The following ARID1B variants were observed in gnomAD, a reference collection of about 807,000 sequenced individuals.
ARID1B encodes AT-rich interactive domain-containing protein 1B.
A neutral mutation model predicts 212.3 loss-of-function variants in ARID1B; 30 were observed. The observed-to-expected ratio is 0.14, with a 90% confidence interval of 0.11 to 0.19. ARID1B has a LOEUF of 0.19. ARID1B is among the 10% of genes least tolerant of loss of function. The pLI is 1.00. For synonymous variants in ARID1B, 1,402 were observed against 1,301.7 expected (o/e 1.08, Z -1.66); for missense variants, 2,891 against 3,204.0 (o/e 0.90, Z 2.36).
intron 3 of ARID1B, among the ~76,000 whole-genome samples, chr6:156,920,435 T>C (rs893340936): frequency 1.4e-4 from 21 of 152,246 alleles, no homozygotes; most frequent in African/African-American, 4.8e-4. Context: ...GTCTTTAACA[T>C]GCTCATTTCA....
At chr6:157,080,585 C>G (rs750098838) in intron 4 of ARID1B, among the ~76,000 whole-genome samples, 3 of 152,172 alleles carry the variant, frequency 2.0e-5, no homozygotes, top group Non-Finnish European at 2.9e-5. Context: ...CTGACGCTGC[C>G]CTCCCTGAGC....
intron 11 of ARID1B, among the ~76,000 whole-genome samples, chr6:157,177,046 A>G (rs939363349): frequency 6.6e-6 from 1 of 152,220 alleles, no homozygotes. Context: ...TTCTCCTTTA[A>G]TGTAAGACAA....
chr6:156,798,809 A>G (rs969089888), intron 1 of ARID1B, among the ~76,000 whole-genome samples: 2 of 152,172 alleles, frequency 1.3e-5, no homozygotes, highest in Non-Finnish European at 2.9e-5. Context: ...TGTGGCGAAA[A>G]TCTTGGGTTA....
At chr6:156,972,344 G>A (rs1776985154) in intron 4 of ARID1B, among the ~76,000 whole-genome samples, 1 of 152,148 alleles carries the variant, frequency 6.6e-6, no homozygotes. Flanking sequence ...AAGGCCCAGG[G>A]GTGTCCAGTG....
chr6:156,906,275 A>T (rs1789366405), intron 3 of ARID1B, among the ~76,000 whole-genome samples: 1 of 152,036 alleles, frequency 6.6e-6, no homozygotes, highest in African/African-American at 2.4e-5. Flanking sequence ...AAGAAGCACC[A>T]GCCACCTCAT....
chr6:157,198,707 A>G, intron 16 of ARID1B, 104 bp from the exon 17 acceptor site: 4 of 970,024 alleles, frequency 4.1e-6, no homozygotes, highest in Admixed American at 2.3e-5. Flanking sequence ...TAAAAGCCAC[A>G]CAGAGCTGCT....
intron 1 of ARID1B, among the ~76,000 whole-genome samples, chr6:156,805,704 TA>T (rs1455385798): frequency 6.6e-6 from 1 of 152,214 alleles, no homozygotes; most frequent in Non-Finnish European, 1.5e-5. Flanking sequence ...TATTTAATTT[TA>T]TTTTTTTTTA....
intron 1 of ARID1B, among the ~76,000 whole-genome samples, chr6:156,798,015 T>G (rs746374926): frequency 6.6e-6 from 1 of 152,192 alleles, no homozygotes; most frequent in Non-Finnish European, 1.5e-5. Flanking sequence ...TTGTGGTCAT[T>G]TCGTCACTGG....
intron 1 of ARID1B, among the ~76,000 whole-genome samples, chr6:156,823,246 G>A (rs1426344229): frequency 6.6e-6 from 1 of 152,122 alleles, no homozygotes; most frequent in Non-Finnish European, 1.5e-5. Context: ...GTGGGCCCTG[G>A]GCTCCAGGTG....
Position 157,174,849 on chromosome 6 carries a change from T to C in ARID1B, c.3348T>C (p.Asp1116=). The C allele has an allele frequency of 2.0e-6, 3 of 1,532,492 alleles. No homozygotes were observed. The highest frequency in any genetic ancestry group is 2.6e-6 in the Non-Finnish European group (3 of 1,138,882). The allele number at this position is 1,532,492 out of a possible 1,614,324, so 94.9% of individuals were successfully genotyped here. A position where few individuals can be genotyped will look rare whatever the true frequency, so the allele number is the denominator to read the frequency against. The change falls in exon 11 of 20, where the codon GAT becomes GAC. Residue 1116 remains aspartate, a splice_region_variant and synonymous_variant. Coordinates refer to ENST00000636930, the MANE Select transcript of ARID1B (RefSeq NM_001374828.1). ...TTTTTTTTATTCCTCTACCACAGGA[T>C]AGCTACAGCTCTCAGGGTATTTCTC... The part of the protein sequence containing the change: ...GTPQPESKSK[D]SYSSQGISQP...
Position 156,851,897 on chromosome 6 carries a change from G to A in ARID1B, c.1986+22476G>A, listed in dbSNP as rs1784603069. Among the ~76,000 whole-genome samples, 3 of 152,138 alleles carry A rather than the reference G, an allele frequency of 2.0e-5. No individual in the cohort carries two copies. The South Asian group carries it at 6.2e-4, about 32-fold the overall frequency. On this transcript the variant is annotated intron_variant, in intron 2 of 19. Coordinates refer to ENST00000636930, the MANE Select transcript of ARID1B (RefSeq NM_001374828.1). The stretch of plus-strand genomic sequence containing the variant: ...AGTAAATTGATCCCTGTGGACTGTG[G>A]CTTGAATCAGCCTCTCATTCTTTAA...
chr6:156,902,735 CAAAAAAAAAAAAAA>C (rs869259426), intron 3 of ARID1B, among the ~76,000 whole-genome samples: 10 of 61,682 alleles, frequency 1.6e-4, no homozygotes, highest in South Asian at 6.0e-4. Flanking sequence ...GACTCTGTCT[CAAAAAAAAAAAAAA>C]AAAAAAAAAA....
chr6:157,001,758 C>G (rs542582423), intron 4 of ARID1B, among the ~76,000 whole-genome samples: 1 of 152,316 alleles, frequency 6.6e-6, no homozygotes, highest in South Asian at 2.1e-4. Flanking sequence ...TGCCCTTGGC[C>G]GATTGACTCA....
chr6:157,115,277 G>T (rs1787249367), intron 6 of ARID1B, among the ~76,000 whole-genome samples: 1 of 152,120 alleles, frequency 6.6e-6, no homozygotes, highest in African/African-American at 2.4e-5. Context: ...AAGTAAATAT[G>T]GATATGGCAT....
intron 1 of ARID1B, among the ~76,000 whole-genome samples, chr6:156,815,586 AAATC>A (rs1382942593): frequency 6.6e-6 from 1 of 152,220 alleles, no homozygotes; most frequent in Non-Finnish European, 1.5e-5. Context: ...TGCCTCCTGA[AAATC>A]AATCAGGCAA....
rs149860324 is a variant in ARID1B, at chr6:156,974,945, C to A, written c.2247+39369C>A. On this transcript the variant is annotated intron_variant, in intron 4 of 19. Transcript: ENST00000636930. ...CTACCATTTGATGGCCATTTGGGTT[C>A]TTTCCACTTTTCAGCTATTTTGAAT... is the stretch of plus-strand genomic sequence containing the variant. 3.2e-3 allele frequency among the ~76,000 whole-genome samples: 484 copies of A among 152,270 alleles called. 1 individual carries two copies. The highest frequency in any genetic ancestry group is 5.8e-3 in the Admixed American group (89 of 15,290).
At chr6:157,019,026 T>C (rs1780071457) in intron 4 of ARID1B, among the ~76,000 whole-genome samples, 1 of 152,126 alleles carries the variant, frequency 6.6e-6, no homozygotes, top group African/African-American at 2.4e-5. Flanking sequence ...GTGCTTCATA[T>C]TCCAATAATG....
intron 4 of ARID1B, among the ~76,000 whole-genome samples, chr6:157,075,091 T>G (rs1490547047): frequency 6.6e-6 from 1 of 152,202 alleles, no homozygotes; most frequent in Non-Finnish European, 1.5e-5. Flanking sequence ...AAAAAATTAT[T>G]ATGTAAAATT....
chr6:156,963,377 G>T (rs906899479), intron 4 of ARID1B, among the ~76,000 whole-genome samples: 1 of 152,014 alleles, frequency 6.6e-6, no homozygotes, highest in Non-Finnish European at 1.5e-5. Context: ...GTGTGTATTC[G>T]TGGATAATTT....
Sources: gnomAD v4.1 joint callset for allele counts (sites outside exome capture counted in the v4.1 genomes callset) on GRCh38, gnomAD v4.1.1 for gene constraint, MANE v1.5 for transcripts, NCBI Gene and HGNC (gene_info 2026-07-23, HGNC 2026-07-21) for gene names.